GMDS: variants seen among roughly 807,000 people sequenced by gnomAD.
GMDS encodes GDP-mannose 4,6 dehydratase.
GMDS carries 20 observed loss-of-function variants against 49.9 expected under a neutral mutation model. That is an observed-to-expected ratio of 0.40 (90% CI 0.28 to 0.58). GMDS has a LOEUF of 0.58. Among genes scored for constraint, GMDS ranks in the 20% least tolerant of loss-of-function variants. The pLI is 0.42. For synonymous variants in GMDS, 177 were observed against 178.6 expected (o/e 0.99, Z 0.07); for missense variants, 362 against 481.4 (o/e 0.75, Z 2.32).
chr6:1,754,615 T>C (rs964080878), intron 7 of GMDS, among the ~76,000 whole-genome samples: 4 of 152,166 alleles, frequency 2.6e-5, no homozygotes, highest in African/African-American at 9.7e-5. Context: ...TGAACATCGA[T>C]GTGAAAATCC....
At chr6:1,694,450 C>G (rs1765272120) in intron 9 of GMDS, among the ~76,000 whole-genome samples, 1 of 152,220 alleles carries the variant, frequency 6.6e-6, no homozygotes, top group South Asian at 2.1e-4. Context: ...AACTGAGGCT[C>G]AGGCTCAAGG....
In GMDS at chr6:1,858,842, A is replaced by G. The variant is rs147555785; in HGVS notation, c.771+71261T>C. Among the ~76,000 whole-genome samples the G allele has an allele frequency of 2.4e-3, 359 of 152,340 alleles. 2 individuals are homozygous for G. The highest frequency in any genetic ancestry group is 2.3e-3 in the Non-Finnish European group (157 of 68,034). Reference sequence around the variant, plus strand: ...AATTTTTGTTTTTTCCTTACTGTCTACATAAGAAGTTACAATCTATTCAAC... The same window carrying G: ...AATTTTTGTTTTTTCCTTACTGTCTGCATAAGAAGTTACAATCTATTCAAC... On this transcript the variant is annotated intron_variant, in intron 7 of 10. Transcript: ENST00000380815.
chr6:2,176,136 C>T (rs1735144777), intron 1 of GMDS: 2 of 586,698 alleles, frequency 3.4e-6, no homozygotes, highest in Non-Finnish European at 3.0e-6. Context: ...GGATGACTGC[C>T]TCCCCACATC....
At chr6:2,010,145 G>A (rs1767462310) in intron 4 of GMDS, among the ~76,000 whole-genome samples, 1 of 151,990 alleles carries the variant, frequency 6.6e-6, no homozygotes, top group African/African-American at 2.4e-5. Context: ...TGGCCAACAT[G>A]GTGAAACCCC....
chr6:1,651,513 C>A (rs1325054097), intron 9 of GMDS, among the ~76,000 whole-genome samples: 1 of 152,232 alleles, frequency 6.6e-6, no homozygotes, highest in Non-Finnish European at 1.5e-5. Flanking sequence ...CATGGGCACA[C>A]CCTCCTTTAA....
intron 9 of GMDS, among the ~76,000 whole-genome samples, chr6:1,636,680 G>C (rs547017320): frequency 6.6e-6 from 1 of 152,208 alleles, no homozygotes; most frequent in Non-Finnish European, 1.5e-5. Flanking sequence ...CTGACACCAT[G>C]AGCCTAGGAT....
chr6:1,839,051 TC>T (rs1757043868), intron 7 of GMDS, among the ~76,000 whole-genome samples: 1 of 152,294 alleles, frequency 6.6e-6, no homozygotes, highest in Middle Eastern at 3.4e-3. Flanking sequence ...TTTTCTGCCT[TC>T]AATTTGCTGC....
At chr6:2,154,400 C>T (rs941290474) in intron 1 of GMDS, among the ~76,000 whole-genome samples, 8 of 152,048 alleles carry the variant, frequency 5.3e-5, no homozygotes, top group Admixed American at 5.2e-4. Flanking sequence ...ATTCAGATTG[C>T]TGTTAATAAT....
At chr6:1,707,896 G>A (rs1463066726) in intron 9 of GMDS, among the ~76,000 whole-genome samples, 7 of 152,154 alleles carry the variant, frequency 4.6e-5, no homozygotes, top group Non-Finnish European at 1.0e-4. Flanking sequence ...TGGGGCCCTC[G>A]TATCATTTAA....
intron 6 of GMDS, among the ~76,000 whole-genome samples, chr6:1,936,445 A>T (rs956049767): frequency 6.6e-6 from 1 of 152,174 alleles, no homozygotes; most frequent in African/African-American, 2.4e-5. Context: ...AGTGGGACTA[A>T]TCCCACCTCC....
At chr6:1,743,896 T>C (rs147798398) in intron 7 of GMDS, among the ~76,000 whole-genome samples, 7 of 152,044 alleles carry the variant, frequency 4.6e-5, no homozygotes, top group African/African-American at 1.4e-4. Flanking sequence ...CAAAATAAAA[T>C]AGGTAAAAAC....
chr6:2,164,518 T>TACTCCATTGGGGGTGGAGAGGCC (rs1777563513), intron 1 of GMDS, among the ~76,000 whole-genome samples: 1 of 152,172 alleles, frequency 6.6e-6, no homozygotes, highest in Non-Finnish European at 1.5e-5. Context: ...GTGGAGAGGC[T>TACTCCATTGGGGGTGGAGAGGCC]ACTCCCATTG....
intron 4 of GMDS, among the ~76,000 whole-genome samples, chr6:2,000,952 A>G (rs898338157): frequency 6.6e-6 from 1 of 152,220 alleles, no homozygotes; most frequent in South Asian, 2.1e-4. Flanking sequence ...TAGCACTGCT[A>G]TAAACATTCT....
chr6:1,875,950 A>G (rs1382987652), intron 7 of GMDS, among the ~76,000 whole-genome samples: 4 of 151,610 alleles, frequency 2.6e-5, no homozygotes, highest in African/African-American at 9.7e-5. Context: ...CCCAGAAGGC[A>G]GAGGTTGCGG....
intron 9 of GMDS, 67 bp from the exon 10 acceptor site, chr6:1,624,607 C>G: frequency 9.2e-7 from 1 of 1,081,128 alleles, no homozygotes. Context: ...GGTCCCGAGC[C>G]CCGGGAACTC....
chr6:2,055,684 A>G (rs1350287883), intron 4 of GMDS, among the ~76,000 whole-genome samples: 1 of 152,144 alleles, frequency 6.6e-6, no homozygotes, highest in Non-Finnish European at 1.5e-5. Flanking sequence ...CCTAAAAAGG[A>G]CTAACTAACT....
chr6:1,666,268 C>G (rs1006976320), intron 9 of GMDS, among the ~76,000 whole-genome samples: 1 of 152,198 alleles, frequency 6.6e-6, no homozygotes, highest in African/African-American at 2.4e-5. Context: ...ACCACAGTAC[C>G]TGCATCCCCT....
At chr6:1,639,108 G>A (rs1763251641) in intron 9 of GMDS, among the ~76,000 whole-genome samples, 1 of 152,178 alleles carries the variant, frequency 6.6e-6, no homozygotes, top group Non-Finnish European at 1.5e-5. Flanking sequence ...AGATAAGGAG[G>A]TGGGTGCCTG....
At chr6:1,728,342 T>C (rs954399301) in intron 8 of GMDS, among the ~76,000 whole-genome samples, 7 of 152,262 alleles carry the variant, frequency 4.6e-5, no homozygotes, top group African/African-American at 1.7e-4. Flanking sequence ...TTCACAGGCA[T>C]GTTTGATCTA....
Sources: allele counts gnomAD v4.1 joint callset (sites outside exome capture counted in the v4.1 genomes callset), GRCh38; gene constraint gnomAD v4.1.1; transcripts MANE v1.5; gene names NCBI Gene and HGNC (gene_info 2026-07-23, HGNC 2026-07-21).